Variants in SPTAN1 observed in about 807,000 individuals in gnomAD.
The protein encoded by SPTAN1 is spectrin alpha, non-erythrocytic 1.
In SPTAN1, 61 loss-of-function variants were observed where a neutral mutation model predicts 331.3. The observed-to-expected ratio is 0.18, with a 90% CI of 0.15 to 0.23. The LOEUF is 0.23. SPTAN1 is among the 10% of genes least tolerant of loss of function. The pLI is 1.00. For missense variants in SPTAN1, 2,043 were observed against 3,147.9 expected (o/e 0.65, Z 8.40); for synonymous variants, 1,153 against 1,173.9 (o/e 0.98, Z 0.36).
chr9:128,630,127 A>T (rs1589406295), intron 51 of SPTAN1, 194 bp from the exon 52 acceptor site: 2 of 761,256 alleles, frequency 2.6e-6, no homozygotes, highest in East Asian at 5.0e-5. Context: ...CCCATCTCTA[A>T]AACGGGAGAA....
Position 128,623,204 on chromosome 9 carries a change from G to T in SPTAN1, c.5833-1124G>T, listed in dbSNP as rs554257792. ...CCTAGCTAGCTGGGACCACAGGTGG[G>T]TGTCAACACACCTGGCTAATTTCTT... On this transcript the variant is annotated intron_variant, in intron 45 of 56. Transcript: ENST00000372739. Among the ~76,000 whole-genome samples, 7 of 151,262 alleles carry T rather than the reference G, an allele frequency of 4.6e-5. No individual in the cohort carries two copies. The East Asian group carries it at 7.9e-4, about 17-fold the overall frequency.
Position 128,629,278 on chromosome 9 carries a change from G to A in SPTAN1, c.6708-1043G>A, listed in dbSNP as rs528488428. The stretch of plus-strand genomic sequence containing the variant: ...GCGGCTCCACCCTGACTAACCTGCC[G>A]CCCTCGGCTGCTTGGGAAGGAGGGG... On this transcript the variant is annotated intron_variant, in intron 51 of 56. Coordinates refer to ENST00000372739, the MANE Select transcript of SPTAN1 (RefSeq NM_001130438.3). The surrounding 1 kb of genome is among the most constrained non-coding windows in gnomAD (Gnocchi z 4.9). 5.0e-5 allele frequency: 20 copies of A among 396,258 alleles called. No individual in the cohort carries two copies. The highest frequency in any genetic ancestry group is 8.0e-5 in the Non-Finnish European group (18 of 224,948). 24.5% of individuals were successfully genotyped at this position (396,258 alleles called of 1,614,324 possible). A position where few individuals can be genotyped will look rare whatever the true frequency, so the allele number is the denominator to read the frequency against.
At chr9:128,580,783 T>C (rs1851845727) in intron 10 of SPTAN1, 139 bp from the exon 11 acceptor site, 1 of 1,147,968 alleles carries the variant, frequency 8.7e-7, no homozygotes, top group Non-Finnish European at 1.3e-6. Flanking sequence ...AAGTGAATGT[T>C]GTTTTTCCCC....
intron 1 of SPTAN1, among the ~76,000 whole-genome samples, chr9:128,560,404 G>A (rs1367036174): frequency 8.2e-5 from 10 of 122,612 alleles, no homozygotes; most frequent in East Asian, 2.4e-4. Flanking sequence ...TTTTTGACAC[G>A]GAGTCTAGCT....
At position 128,579,740 on chromosome 9, in the gene SPTAN1, TAAGAG is replaced by T; in HGVS notation, c.1323+10_1323+14del. On this transcript the variant is annotated splice_donor_5th_base_variant and intron_variant, in intron 10 of 56. Transcript: ENST00000372739. ...GCCTCAGATGAAGTGAGGGAGAAGGTAAGAGAAGAGAAATGGAGCTTTTGAGGAGC... is the reference window on the plus strand; with the variant it reads ...GCCTCAGATGAAGTGAGGGAGAAGGTAAGAGAAATGGAGCTTTTGAGGAGC... 3 of 1,613,142 alleles carry T rather than the reference TAAGAG, an allele frequency of 1.9e-6. No individual in the cohort carries two copies. The highest frequency in any genetic ancestry group is 2.5e-6 in the Non-Finnish European group (3 of 1,179,188).
chr9:128,602,496 C>T (rs986045508), intron 27 of SPTAN1, among the ~76,000 whole-genome samples: 86 of 152,244 alleles, frequency 5.6e-4, no homozygotes, highest in African/African-American at 2.0e-3. Flanking sequence ...GGATTACAGG[C>T]GTGAGCCATC....
Position 128,605,406 on chromosome 9 carries a change from G to C in SPTAN1, c.3975G>C (p.Gly1325=), listed in dbSNP as rs1855696944. ...TELNQAWSSL[G]KRADQRKAKL... is the part of the protein sequence containing the mutation. ...TAAACCAGGCCTGGAGCAGCCTGGG[G>C]AAACGTGCAGATCAGCGCAAGGCAA... is the stretch of plus-strand genomic sequence containing the variant. Residue 1325 remains glycine (G), a synonymous_variant, in exon 31 of 57, where the codon GGG becomes GGC. Transcript: ENST00000372739. 3.7e-6 allele frequency: 6 copies of C among 1,614,208 alleles called. No individual in the cohort carries two copies. Among genetic ancestry groups the C allele is most frequent in the Non-Finnish European group, 5.1e-6 (6 of 1,180,038 alleles).
At chr9:128,590,945 A>G (rs1564244085) in intron 21 of SPTAN1, among the ~76,000 whole-genome samples, 2 of 152,208 alleles carry the variant, frequency 1.3e-5, no homozygotes, top group South Asian at 2.1e-4. Context: ...AAGCAGAGAG[A>G]AGGCCAGCCT....
chr9:128,604,533 A>T (rs1435899895), intron 29 of SPTAN1, 116 bp downstream of exon 29: 1 of 989,746 alleles, frequency 1.0e-6, no homozygotes, highest in Non-Finnish European at 1.5e-6. Flanking sequence ...ACTGATGTTT[A>T]TTTGTGACAT....
At position 128,632,117 on chromosome 9, in the gene SPTAN1, AC is replaced by A. The variant is rs772211512; in HGVS notation, c.6763-6del. ...CCCCGTCTGAGCATCTGTGCTCCCCACCCCTGCAGCGCAAGCACCAGGAAAT... is the reference window on the plus strand; with the variant it reads ...CCCCGTCTGAGCATCTGTGCTCCCCACCCTGCAGCGCAAGCACCAGGAAAT... On this transcript the variant is annotated splice_polypyrimidine_tract_variant and intron_variant, in intron 52 of 56. Transcript: ENST00000372739. 7 of 1,612,352 alleles carry A rather than the reference AC, an allele frequency of 4.3e-6. No individual in the cohort carries two copies. In the South Asian group the frequency reaches 7.7e-5, roughly 18 times the overall value.
At chr9:128,562,837 C>T (rs780535734) in intron 1 of SPTAN1, among the ~76,000 whole-genome samples, 12 of 151,492 alleles carry the variant, frequency 7.9e-5, no homozygotes, top group African/African-American at 1.2e-4. Context: ...TGATGGCAGG[C>T]GCCTGTGGTC....
At chr9:128,605,626 T>C (rs754254447) in intron 31 of SPTAN1, 149 bp downstream of exon 31, 40 of 1,001,658 alleles carry the variant, frequency 4.0e-5, no homozygotes, top group Non-Finnish European at 5.4e-5. Flanking sequence ...AGCGAATTGC[T>C]TGAACTCAGG....
intron 1 of SPTAN1, among the ~76,000 whole-genome samples, chr9:128,559,700 A>G (rs1364101390): frequency 6.6e-6 from 1 of 152,092 alleles, no homozygotes; most frequent in Non-Finnish European, 1.5e-5. Context: ...GTCTAACCCT[A>G]ATTGTTTACC....
chr9:128,627,706 A>G lies in SPTAN1; in HGVS notation c.6689+208A>G. ...CCTCTCAGTGCTGCATGTCCCAGAC[A>G]TCAAGTTGTTAGAGATCCCGGATTG... On this transcript the variant is annotated intron_variant, in intron 50 of 56. Transcript: ENST00000372739. The surrounding 1 kb of genome is among the most constrained non-coding windows in gnomAD (Gnocchi z 4.9). 1.3e-6 allele frequency: 1 copy of G among 789,418 alleles called. No individual in the cohort carries two copies. The highest frequency in any genetic ancestry group is 2.2e-6 in the Non-Finnish European group (1 of 454,514). 48.9% of individuals were successfully genotyped at this position (789,418 alleles called of 1,614,324 possible).
intron 52 of SPTAN1, 50 bp from the exon 53 acceptor site, chr9:128,632,077 G>T: frequency 6.3e-7 from 1 of 1,595,236 alleles, no homozygotes; most frequent in South Asian, 1.1e-5. Flanking sequence ...CTGGGCTGGT[G>T]ACTGAGCTGA....
chr9:128,555,228 A>G, intron 1 of SPTAN1: 1 of 673,208 alleles, frequency 1.5e-6, no homozygotes, highest in Non-Finnish European at 2.2e-6. Context: ...GACACTGAAA[A>G]AATATCTGAA....
intron 4 of SPTAN1, 128 bp from the exon 5 acceptor site, chr9:128,575,071 C>A: frequency 7.1e-7 from 1 of 1,410,380 alleles, no homozygotes; most frequent in Admixed American, 1.7e-5. Flanking sequence ...AAATCACAAA[C>A]CACAGACAAA....
Position 128,633,487 on chromosome 9 carries a change from C to G in SPTAN1, c.*153C>G. On this transcript the variant is annotated 3_prime_UTR_variant, in exon 57 of 57. Coordinates refer to ENST00000372739, the MANE Select transcript of SPTAN1 (RefSeq NM_001130438.3). ...AAAATGGTGCTTCACTAACCCGCTT[C>G]CGGTCCAGTCACAATCATCATGTCA... 1 of 1,313,762 alleles carries G rather than the reference C, an allele frequency of 7.6e-7. No individual in the cohort carries two copies. The highest frequency in any genetic ancestry group is 1.2e-5 in the South Asian group (1 of 82,224). The allele number at this position is 1,313,762 out of a possible 1,614,324, so 81.4% of individuals were successfully genotyped here.
rs759274173 is a variant in SPTAN1 at position 128,583,935 on chromosome 9, A to G, written c.2159A>G (p.His720Arg). 18 of 1,614,092 alleles carry G rather than the reference A, an allele frequency of 1.1e-5. No individual in the cohort carries two copies. The highest frequency in any genetic ancestry group is 1.4e-5 in the Non-Finnish European group (17 of 1,180,042). ...LTNVQNLQKK[H>R]ALLEADVAAH... is the part of the protein sequence containing the mutation. ...AATGTGCAGAACCTCCAGAAGAAAC[A>G]TGCACTGCTAGAGGCAGATGTGGCT... is the stretch of plus-strand genomic sequence containing the variant. Residue 720 changes from histidine to arginine, a missense_variant, in exon 16 of 57, where the codon CAT (histidine) becomes CGT (arginine). Coordinates refer to ENST00000372739, the MANE Select transcript of SPTAN1 (RefSeq NM_001130438.3).
Sources: gnomAD v4.1 joint callset for allele counts (sites outside exome capture counted in the v4.1 genomes callset) on GRCh38, gnomAD v4.1.1 for gene constraint, Gnocchi (gnomAD v3.1) non-coding constraint, MANE v1.5 for transcripts, NCBI Gene and HGNC (gene_info 2026-07-23, HGNC 2026-07-21) for gene names.